NHSL2: variants seen among roughly 807,000 people sequenced by gnomAD.
The protein encoded by NHSL2 is NHS like 2, also known as NHS-like protein 2.
In NHSL2, 27 loss-of-function variants were observed where a neutral mutation model predicts 53.4. The ratio of observed to expected loss-of-function variants is 0.51; its 90% CI spans 0.37 to 0.70. NHSL2 has a LOEUF of 0.70. NHSL2 is among the 30% of genes least tolerant of loss of function. The pLI, the probability that NHSL2 is intolerant of heterozygous loss-of-function variation, is 0.00. For missense variants in NHSL2, 892 were observed against 980.1 expected (o/e 0.91, Z 1.20); for synonymous variants, 408 against 404.1 (o/e 1.01, Z -0.12).
At chrX:71,917,378 T>C (rs769798706) in intron 1 of NHSL2, among the ~76,000 whole-genome samples, 1 of 108,852 alleles carries the variant, frequency 9.2e-6, no homozygotes, top group Non-Finnish European at 1.9e-5. Flanking sequence ...GTAGTCTTTA[T>C]CTGTTTTCAC....
intron 1 of NHSL2, among the ~76,000 whole-genome samples, chrX:72,044,037 T>C (rs2042290899): frequency 1.8e-5 from 2 of 111,828 alleles, no homozygotes; most frequent in Non-Finnish European, 3.8e-5. Context: ...ACCAGGCTAG[T>C]TGAGAGGACG....
chrX:72,024,215 G>T (rs1017011492), intron 1 of NHSL2, among the ~76,000 whole-genome samples: 1 of 111,881 alleles, frequency 8.9e-6, no homozygotes, highest in Admixed American at 9.4e-5. Flanking sequence ...TTAGAAGTTT[G>T]TAGGAAAATT....
chrX:71,939,796 G>T (rs774563902), intron 1 of NHSL2, among the ~76,000 whole-genome samples: 2 of 111,899 alleles, frequency 1.8e-5, no homozygotes, highest in Non-Finnish European at 3.8e-5. Flanking sequence ...CTGGAGCATA[G>T]AAAATGTTCG....
In NHSL2 at chrX:71,981,533, T is replaced by C. The variant is rs1191768490; in HGVS notation, c.280+70166T>C. 5.3e-4 allele frequency among the ~76,000 whole-genome samples: 14 copies of C among 26,316 alleles called. No individual in the cohort carries two copies. In the East Asian group the frequency reaches 0.013, roughly 24 times the overall value. The allele number at this position is 26,316 out of a possible 115,157, so 22.9% of individuals were successfully genotyped here. A position where few individuals can be genotyped will look rare whatever the true frequency, so the allele number is the denominator to read the frequency against. On this transcript the variant is annotated intron_variant, in intron 1 of 7. Transcript: ENST00000633930. Reference sequence around the variant, plus strand: ...ACCTGGGCAACAGAGCAAGACTCTGTCTCAAAAAAAAAAAAAAAAAAGAAG... The same window carrying C: ...ACCTGGGCAACAGAGCAAGACTCTGCCTCAAAAAAAAAAAAAAAAAAGAAG...
intron 1 of NHSL2, among the ~76,000 whole-genome samples, chrX:72,063,238 C>T (rs1330733389): frequency 8.9e-6 from 1 of 112,250 alleles, no homozygotes; most frequent in Non-Finnish European, 1.9e-5. Flanking sequence ...CTGCCTCCCC[C>T]AAACTCACTT....
rs187167268 is a variant in NHSL2 at position 71,929,302 on chromosome X, G to A, written c.280+17935G>A. Among the ~76,000 whole-genome samples the A allele has an allele frequency of 1.2e-4, 13 of 112,236 alleles. No individual in the cohort carries two copies. The East Asian group carries it at 2.5e-3, about 22-fold the overall frequency. ...CATATTTCAAATTACAAGATCTAGC[G>A]CTGGGTCTTATAATTACCAAAATAT... On this transcript the variant is annotated intron_variant, in intron 1 of 7. Transcript: ENST00000633930.
intron 1 of NHSL2, among the ~76,000 whole-genome samples, chrX:72,060,426 C>A (rs1414232155): frequency 8.9e-6 from 1 of 112,502 alleles, no homozygotes; most frequent in Non-Finnish European, 1.9e-5. Context: ...GCTGTGCAAC[C>A]CTCAGCAAGT....
intron 1 of NHSL2, among the ~76,000 whole-genome samples, chrX:72,021,640 C>T (rs777298662): frequency 8.9e-6 from 1 of 111,764 alleles, no homozygotes; most frequent in Non-Finnish European, 1.9e-5. Flanking sequence ...GGGCTCTCCA[C>T]GATATCATCC....
At position 72,149,871 on chromosome X, in the gene NHSL2, G is replaced by A. The variant is rs1238720069; in HGVS notation, c.*6297G>A. 5.3e-5 allele frequency: 6 copies of A among 112,171 alleles called. No homozygotes were observed. In the East Asian group the frequency reaches 1.7e-3, roughly 31 times the overall value. The allele number at this position is 112,171 out of a possible 1,213,427, so 9.2% of individuals were successfully genotyped here. On this transcript the variant is annotated 3_prime_UTR_variant, in exon 8 of 8. Coordinates refer to ENST00000633930, the MANE Select transcript of NHSL2 (RefSeq NM_001013627.3). ...CCAACCTCTCTCATTTCACACATGA[G>A]GAAGCTGAGGCCCAGAAAGGTCAAA...
intron 1 of NHSL2, among the ~76,000 whole-genome samples, chrX:72,114,277 A>G (rs750784810): frequency 8.6e-4 from 97 of 112,491 alleles, no homozygotes; most frequent in Non-Finnish European, 1.6e-3. Context: ...AAAGCATGAC[A>G]ATTTTTAAAA....
intron 1 of NHSL2, among the ~76,000 whole-genome samples, chrX:71,969,797 C>G (rs769526813): frequency 8.0e-5 from 9 of 111,821 alleles, no homozygotes; most frequent in Non-Finnish European, 1.5e-4. Flanking sequence ...ACTAATTGCT[C>G]TAGCTAGAAC....
chrX:72,058,961 C>T (rs552346439), intron 1 of NHSL2, among the ~76,000 whole-genome samples: 24 of 111,888 alleles, frequency 2.1e-4, no homozygotes, highest in African/African-American at 7.1e-4. Flanking sequence ...TTCCCATTCT[C>T]CCCACTCAGA....
intron 1 of NHSL2, among the ~76,000 whole-genome samples, chrX:71,986,864 T>G (rs1389361932): frequency 8.9e-6 from 1 of 112,037 alleles, no homozygotes; most frequent in Non-Finnish European, 1.9e-5. Flanking sequence ...ACACAGAATT[T>G]CTTTTACAAG....
chrX:72,001,366 G>A (rs1244515680), intron 1 of NHSL2, among the ~76,000 whole-genome samples: 3 of 111,157 alleles, frequency 2.7e-5, no homozygotes, highest in Non-Finnish European at 5.7e-5. Context: ...CAGCAGCTAG[G>A]ATCATGCATT....
intron 1 of NHSL2, among the ~76,000 whole-genome samples, chrX:71,916,264 TAAAAACCA>T (rs752698127): frequency 1.3e-4 from 14 of 111,975 alleles, no homozygotes; most frequent in Non-Finnish European, 2.4e-4. Flanking sequence ...CACCTTTTAT[TAAAAACCA>T]ATGGGAACAA....
intron 1 of NHSL2, among the ~76,000 whole-genome samples, chrX:72,024,303 G>A (rs751275501): frequency 1.8e-5 from 2 of 111,844 alleles, no homozygotes; most frequent in East Asian, 2.8e-4. Flanking sequence ...TAAGGACAGC[G>A]ACTGAGGCTA....
chrX:72,002,216 G>A (rs2042075446), intron 1 of NHSL2, among the ~76,000 whole-genome samples: 1 of 111,654 alleles, frequency 9.0e-6, no homozygotes, highest in African/African-American at 3.3e-5. Context: ...CCACTACTCC[G>A]TATTGTCTCA....
intron 1 of NHSL2, among the ~76,000 whole-genome samples, chrX:72,075,670 G>A (rs907124555): frequency 1.8e-5 from 2 of 111,791 alleles, no homozygotes; most frequent in Non-Finnish European, 3.8e-5. Context: ...TAAGCTCATC[G>A]AGCCTCCTTG....
chrX:72,022,745 G>A (rs2042166261), intron 1 of NHSL2, among the ~76,000 whole-genome samples: 1 of 111,752 alleles, frequency 8.9e-6, no homozygotes, highest in Non-Finnish European at 1.9e-5. Flanking sequence ...CCTAGAGACC[G>A]TATCTGGTTT....
Sources: allele counts gnomAD v4.1 joint callset (sites outside exome capture counted in the v4.1 genomes callset), GRCh38; gene constraint gnomAD v4.1.1; transcripts MANE v1.5; gene names NCBI Gene and HGNC (gene_info 2026-07-23, HGNC 2026-07-21).